Variants in SRD5A1 observed in about 807,000 individuals in gnomAD.
The protein encoded by SRD5A1 is steroid 5 alpha-reductase 1, also known as 3-oxo-5-alpha-steroid 4-dehydrogenase 1.
Under a neutral mutation model 28.2 loss-of-function variants are expected in SRD5A1, and 22 were observed. That is an observed-to-expected ratio of 0.78 (90% CI 0.56 to 1.12). The LOEUF (loss-of-function observed/expected upper bound fraction) is 1.12. SRD5A1 is among the 50% of genes most tolerant of loss of function. The pLI, the probability that SRD5A1 is intolerant of heterozygous loss-of-function variation, is 0.00. For missense variants in SRD5A1, 300 were observed against 346.7 expected (o/e 0.87, Z 1.07); for synonymous variants, 151 against 135.0 (o/e 1.12, Z -0.82).
At chr5:6,642,622 G>A (rs1254029382) in intron 1 of SRD5A1, among the ~76,000 whole-genome samples, 1 of 152,226 alleles carries the variant, frequency 6.6e-6, no homozygotes, top group East Asian at 1.9e-4. Context: ...TCATCAAAAT[G>A]ACTTTAACAC....
rs1738063777 is a variant in SRD5A1, at chr5:6,633,719, T to G, written c.143T>G (p.Leu48Arg). 2 of 1,593,912 alleles carry G rather than the reference T, an allele frequency of 1.3e-6. No individual in the cohort carries two copies. The highest frequency in any genetic ancestry group is 3.4e-5 in the Admixed American group (2 of 59,634). ...YGRHALPSHR[L>R]RVPARAAWVV... ...CGCCACGCGCTGCCCAGCCACAGGC[T>G]CCGAGTGCCGGCGCGGGCCGCCTGG... Residue 48 changes from leucine (L) to arginine (R), a missense_variant, in exon 1 of 5, where the codon CTC (leucine) becomes CGC (arginine). This residue lies in a region of SRD5A1 where 174 missense variants were observed against 160.9 expected (regional missense o/e 1.08). Transcript: ENST00000274192.
rs142854865 is a variant in SRD5A1, at chr5:6,651,908, G to A, written c.360G>A (p.Ala120=). Reference sequence around the variant, plus strand: ...TGCCACTGTTGGCGTGTACAATGGCGATTATGTTCTGTACCTGTAACGGCT... The same window carrying A: ...TGCCACTGTTGGCGTGTACAATGGCAATTATGTTCTGTACCTGTAACGGCT... The part of the protein sequence containing the change: ...KPMPLLACTM[A]IMFCTCNGYL... Residue 120 remains alanine (A), a synonymous_variant, in exon 2 of 5, where the codon GCG becomes GCA. Transcript: ENST00000274192. The A allele has an allele frequency of 2.8e-4, 455 of 1,613,838 alleles. No individual in the cohort carries two copies. Among genetic ancestry groups the A allele is most frequent in the Non-Finnish European group, 3.6e-4 (427 of 1,179,924 alleles).
In SRD5A1 at chr5:6,660,533, G is replaced by A. The variant is rs548765703; in HGVS notation, c.563-2283G>A. Among the ~76,000 whole-genome samples the A allele has an allele frequency of 2.6e-4, 39 of 152,366 alleles. 2 individuals carry two copies. In the South Asian group the frequency reaches 7.7e-3, roughly 30 times the overall value. On this transcript the variant is annotated intron_variant, in intron 3 of 4. Transcript: ENST00000274192. ...CTTGTAGAAAGTTGAAGCAGTTACAGAAATGGGTGAATAAGAAAGTGAAAG... is the reference window on the plus strand; with the variant it reads ...CTTGTAGAAAGTTGAAGCAGTTACAAAAATGGGTGAATAAGAAAGTGAAAG...
chr5:6,639,465 G>A (rs528911178), intron 1 of SRD5A1, among the ~76,000 whole-genome samples: 1 of 152,336 alleles, frequency 6.6e-6, no homozygotes, highest in East Asian at 1.9e-4. Flanking sequence ...GCAGACGTTT[G>A]AGAAGCTCAG....
At chr5:6,634,744 G>GT (rs1738127018) in intron 1 of SRD5A1, among the ~76,000 whole-genome samples, 2 of 152,066 alleles carry the variant, frequency 1.3e-5, no homozygotes, top group South Asian at 2.1e-4. Context: ...CAAGGTTTTT[G>GT]TTTTTTTGAA....
intron 2 of SRD5A1, among the ~76,000 whole-genome samples, chr5:6,655,246 A>G (rs1204599650): frequency 1.3e-5 from 2 of 152,278 alleles, no homozygotes; most frequent in Non-Finnish European, 2.9e-5. Context: ...TTAAAAAAGT[A>G]TATCAGAACC....
chr5:6,655,159 A>G (rs1738796094), intron 2 of SRD5A1, among the ~76,000 whole-genome samples: 1 of 152,244 alleles, frequency 6.6e-6, no homozygotes, highest in Non-Finnish European at 1.5e-5. Flanking sequence ...TGACTCAGAT[A>G]ATAATGATGC....
At chr5:6,636,352 C>T (rs8192131) in intron 1 of SRD5A1, among the ~76,000 whole-genome samples, 54,114 of 151,902 alleles carry the variant, frequency 0.36, 9,956 homozygotes, top group Middle Eastern at 0.42. Flanking sequence ...ACACCACACC[C>T]GGTGAGAGGA....
At chr5:6,665,696 A>G (rs2126554324) in intron 4 of SRD5A1, among the ~76,000 whole-genome samples, 1 of 152,350 alleles carries the variant, frequency 6.6e-6, no homozygotes, top group African/African-American at 2.4e-5. Flanking sequence ...CTGACGTTTA[A>G]AAAAACACGG....
intron 1 of SRD5A1, among the ~76,000 whole-genome samples, chr5:6,639,949 G>T (rs1738312218): frequency 6.6e-6 from 1 of 152,086 alleles, no homozygotes; most frequent in South Asian, 2.1e-4. Flanking sequence ...TTTTTTCTAA[G>T]CAGTAGAGAT....
At chr5:6,637,699 C>T (rs186095155) in intron 1 of SRD5A1, among the ~76,000 whole-genome samples, 60 of 152,330 alleles carry the variant, frequency 3.9e-4, no homozygotes, top group Non-Finnish European at 7.5e-4. Flanking sequence ...CCGCTTGCCA[C>T]GGGAGTCCTC....
At chr5:6,656,009 C>A in intron 2 of SRD5A1, 69 bp from the exon 3 acceptor site, 2 of 1,152,892 alleles carry the variant, frequency 1.7e-6, no homozygotes, top group Non-Finnish European at 2.6e-6. Flanking sequence ...ACTGTTCAGT[C>A]AGGCTGGGGC....
Position 6,659,142 on chromosome 5 carries a change from C to G in SRD5A1, c.562+2963C>G, listed in dbSNP as rs571159464. Among the ~76,000 whole-genome samples, 38 of 148,150 alleles carry G rather than the reference C, an allele frequency of 2.6e-4. No homozygotes were observed. The South Asian group carries it at 7.6e-3, about 30-fold the overall frequency. ...CTTTTTTTTTTTTTTGAGACGGGGT[C>G]TCGCTCTGTCACCCAGGCTGGAGTG... On this transcript the variant is annotated intron_variant, in intron 3 of 4. Coordinates refer to ENST00000274192, the MANE Select transcript of SRD5A1 (RefSeq NM_001047.4).
At chr5:6,649,816 C>T (rs1022168091) in intron 1 of SRD5A1, among the ~76,000 whole-genome samples, 1 of 152,150 alleles carries the variant, frequency 6.6e-6, no homozygotes, top group Non-Finnish European at 1.5e-5. Context: ...GTTGGAAATG[C>T]AGGAATCACC....
rs549669695 is a variant in SRD5A1 at position 6,641,447 on chromosome 5, G to A, written c.293+7578G>A. Among the ~76,000 whole-genome samples the A allele has an allele frequency of 3.3e-5, 5 of 152,312 alleles. No homozygotes were observed. In the East Asian group the frequency reaches 7.7e-4, roughly 24 times the overall value. ...GGGCAGAGCGCTTCCTTGGAGCGGA[G>A]TGCTAGGTCCAAGTCAGAGCTCTCT... is the stretch of plus-strand genomic sequence containing the variant. On this transcript the variant is annotated intron_variant, in intron 1 of 4. Transcript: ENST00000274192.
intron 1 of SRD5A1, among the ~76,000 whole-genome samples, chr5:6,648,684 A>G (rs1187768530): frequency 6.6e-6 from 1 of 152,098 alleles, no homozygotes; most frequent in Non-Finnish European, 1.5e-5. Flanking sequence ...CCAGGTTCTT[A>G]TCTTCCTTGC....
chr5:6,649,503 CA>C (rs1265484734), intron 1 of SRD5A1, among the ~76,000 whole-genome samples: 1 of 152,222 alleles, frequency 6.6e-6, no homozygotes, highest in Non-Finnish European at 1.5e-5. Context: ...TGCTCTGGAG[CA>C]GCGAGAATTT....
At position 6,668,196 on chromosome 5, in the gene SRD5A1, T is replaced by C; in HGVS notation, c.714-6T>C. 1.3e-6 allele frequency: 2 copies of C among 1,545,904 alleles called. No individual in the cohort carries two copies. Among genetic ancestry groups the C allele is most frequent in the South Asian group, 2.4e-5 (2 of 82,318 alleles). On this transcript the variant is annotated splice_region_variant and splice_polypyrimidine_tract_variant and intron_variant, in intron 4 of 4. Coordinates refer to ENST00000274192, the MANE Select transcript of SRD5A1 (RefSeq NM_001047.4). ...ATTATTTCCTTTTTTAATTTTTTTT[T>C]CTTAGGTGGTACCTCCGGAAATTTG...
At chr5:6,640,079 A>G (rs1162255247) in intron 1 of SRD5A1, among the ~76,000 whole-genome samples, 2 of 152,178 alleles carry the variant, frequency 1.3e-5, no homozygotes, top group Non-Finnish European at 2.9e-5. Context: ...TGCTTGGGCC[A>G]GACATTCCCA....
Sources: gnomAD v4.1 joint callset for allele counts (sites outside exome capture counted in the v4.1 genomes callset) on GRCh38, gnomAD v4.1.1 for gene constraint, gnomAD v4.1.1 regional missense constraint, MANE v1.5 for transcripts, NCBI Gene and HGNC (gene_info 2026-07-23, HGNC 2026-07-21) for gene names.